KRT34: variants seen among roughly 807,000 people sequenced by gnomAD.
KRT34 encodes the protein keratin 34.
Under a neutral mutation model 41.7 loss-of-function variants are expected in KRT34, and 31 were observed. The ratio of observed to expected loss-of-function variants is 0.74; its 90% confidence interval spans 0.56 to 1.00. The LOEUF (loss-of-function observed/expected upper bound fraction) is 1.00. KRT34 is among the 50% of genes least tolerant of loss of function. The pLI is 0.00. For missense variants in KRT34, 523 were observed against 500.3 expected (o/e 1.05, Z -0.43); for synonymous variants, 224 against 212.9 (o/e 1.05, Z -0.45).
In KRT34 at chr17:41,378,050, A is replaced by T. The variant is rs1355931455; in HGVS notation, c.*9T>A. 1 of 1,604,708 alleles carries T rather than the reference A, an allele frequency of 6.2e-7. No individual in the cohort carries two copies. The highest frequency in any genetic ancestry group is 2.2e-5 in the East Asian group (1 of 44,846). ...CTTTGTAGATGTCTTCAAAGAGGAT[A>T]CAAGCTTTTCAATTACAGCAACCCT... On this transcript the variant is annotated 3_prime_UTR_variant, in exon 7 of 7. Transcript: ENST00000394001.
chr17:41,380,172 T>A (rs1476704937), intron 3 of KRT34, among the ~76,000 whole-genome samples: 1 of 151,826 alleles, frequency 6.6e-6, no homozygotes, highest in Non-Finnish European at 1.5e-5. Context: ...GGCAAGTGAA[T>A]CACTTGAACC....
chr17:41,379,868 T>G, intron 3 of KRT34, 137 bp from the exon 4 acceptor site: 1 of 932,694 alleles, frequency 1.1e-6, no homozygotes, highest in Non-Finnish European at 1.6e-6. Context: ...CACACACATT[T>G]TATAGCAATA....
intron 3 of KRT34, 127 bp from the exon 4 acceptor site, chr17:41,379,858 C>A (rs1311434962): frequency 1.6e-5 from 16 of 1,014,686 alleles, no homozygotes; most frequent in Non-Finnish European, 2.0e-5. Context: ...CAAAGAGTGA[C>A]ACACACATTT....
At chr17:41,383,253 G>A (rs1286628866), upstream of KRT34, among the ~76,000 whole-genome samples, 1 of 152,070 alleles carries the variant, frequency 6.6e-6, no homozygotes, top group South Asian at 2.1e-4. Context: ...TCCTGAACTC[G>A]TGATCCGCCC....
At chr17:41,380,537 C>T (rs1047251313) in intron 3 of KRT34, among the ~76,000 whole-genome samples, 2 of 152,160 alleles carry the variant, frequency 1.3e-5, no homozygotes, top group African/African-American at 4.8e-5. Flanking sequence ...CAACCTCTTC[C>T]CTCAGACTGA....
At chr17:41,381,443 C>T (rs186006069) in intron 2 of KRT34, among the ~76,000 whole-genome samples, 53 of 152,300 alleles carry the variant, frequency 3.5e-4, no homozygotes, top group Non-Finnish European at 5.7e-4. Context: ...ACTGTGTTCT[C>T]GGTTTTGTTA....
In KRT34 at chr17:41,378,037, C is replaced by A; in HGVS notation, c.*22G>T. On this transcript the variant is annotated 3_prime_UTR_variant, in exon 7 of 7. Coordinates refer to ENST00000394001, the MANE Select transcript of KRT34 (RefSeq NM_001386014.1). The stretch of plus-strand genomic sequence containing the variant: ...TTGATCTAAATGGCTTTGTAGATGT[C>A]TTCAAAGAGGATACAAGCTTTTCAA... The A allele has an allele frequency of 6.3e-7, 1 of 1,588,434 alleles. No individual in the cohort carries two copies. The highest frequency in any genetic ancestry group is 8.6e-7 in the Non-Finnish European group (1 of 1,157,196).
At chr17:41,383,154 G>T (rs1188021196), upstream of KRT34, among the ~76,000 whole-genome samples, 1 of 152,016 alleles carries the variant, frequency 6.6e-6, no homozygotes, top group African/African-American at 2.4e-5. Context: ...GAGTAGCTGG[G>T]ATTACAGGTG....
upstream of KRT34, chr17:41,382,465 C>G (rs1034744942): frequency 2.8e-6 from 3 of 1,076,988 alleles, no homozygotes; most frequent in African/African-American, 4.7e-5. Flanking sequence ...AAAATTATTC[C>G]ATTCAGCTTA....
Position 41,382,194 on chromosome 17 carries a change from G to C in KRT34, c.53C>G (p.Ser18Cys), listed in dbSNP as rs750849876. Residue 18 changes from serine (S) to cysteine (C), a missense_variant, in exon 1 of 7, where the codon TCC becomes TGC. By Grantham distance (112) the Ser-to-Cys change is moderately radical. Transcript: ENST00000394001. The stretch of plus-strand genomic sequence containing the variant: ...GCAGCTGGGGGGCACGCAGGGCCGG[G>C]AGGAGCAGCTGGTGCGGCAGCCCAG... Reference protein sequence around the residue: ...PSLGCRTSCSSRPCVPPSCHG... With the variant: ...PSLGCRTSCSCRPCVPPSCHG... 1 of 1,612,468 alleles carries C rather than the reference G, an allele frequency of 6.2e-7. No individual in the cohort carries two copies. Among genetic ancestry groups the C allele is most frequent in the South Asian group, 1.1e-5 (1 of 91,008 alleles).
Position 41,382,140 on chromosome 17 carries a change from T to C in KRT34, c.107A>G (p.Asn36Ser). 6 of 1,612,426 alleles carry C rather than the reference T, an allele frequency of 3.7e-6. No individual in the cohort carries two copies. Among genetic ancestry groups the C allele is most frequent in the Non-Finnish European group, 5.1e-6 (6 of 1,180,036 alleles). ...GCAGTTGCTCACATTGGCGGGGATG[T>C]TGCAGGCCCCAGGCAGGGTGTAGCC... Reference protein sequence around the residue: ...CHGYTLPGACNIPANVSNCNW... With the variant: ...CHGYTLPGACSIPANVSNCNW... Residue 36 changes from asparagine to serine, a missense_variant, in exon 1 of 7, where the codon AAC (asparagine) becomes AGC (serine). Transcript: ENST00000394001.
At chr17:41,378,337 G>A (rs545382001) in intron 6 of KRT34, among the ~76,000 whole-genome samples, 191 bp from the exon 7 acceptor site, 13 of 152,246 alleles carry the variant, frequency 8.5e-5, no homozygotes, top group East Asian at 1.9e-4. Flanking sequence ...GCAGTGGTGC[G>A]ATCTTGGCTC....
At position 41,381,971 on chromosome 17, in the gene KRT34, G is replaced by A. The variant is rs150445234; in HGVS notation, c.276C>T (p.Ser92=). The A allele has an allele frequency of 1.7e-5, 28 of 1,614,186 alleles. No individual in the cohort carries two copies. Among genetic ancestry groups the A allele is most frequent in the African/African-American group, 1.7e-4 (13 of 75,066 alleles). Residue 92 remains serine (S), a synonymous_variant, in exon 1 of 7, where the codon TCC becomes TCT. Coordinates refer to ENST00000394001, the MANE Select transcript of KRT34 (RefSeq NM_001386014.1). ...AELEKLIQER[S]QQQEPLLCPS... ...GGCACAGCAAGGGCTCCTGCTGCTGGGACCGCTCCTGGATGAGTTTCTCCA... is the reference window on the plus strand; with the variant it reads ...GGCACAGCAAGGGCTCCTGCTGCTGAGACCGCTCCTGGATGAGTTTCTCCA...
At chr17:41,380,940 C>T (rs578145843) in intron 3 of KRT34, 116 bp downstream of exon 3, 2 of 983,832 alleles carry the variant, frequency 2.0e-6, no homozygotes, top group Non-Finnish European at 3.2e-6. Context: ...TCTCTGAGAA[C>T]ATCTTGAGTT....
chr17:41,382,920 T>C (rs1375355508), upstream of KRT34, among the ~76,000 whole-genome samples: 1 of 152,176 alleles, frequency 6.6e-6, no homozygotes, highest in Non-Finnish European at 1.5e-5. Context: ...ACCAATGGAA[T>C]GGATGGGAGT....
Position 41,382,149 on chromosome 17 carries a change from C to T in KRT34, c.98G>A (p.Gly33Glu), listed in dbSNP as rs767806496. The T allele has an allele frequency of 6.2e-7, 1 of 1,612,388 alleles. No individual in the cohort carries two copies. The highest frequency in any genetic ancestry group is 1.1e-5 in the South Asian group (1 of 91,006). The change falls in exon 1 of 7, where the codon GGG (glycine) becomes GAG (glutamate). Residue 33 changes from glycine to glutamate, a missense_variant. Coordinates refer to ENST00000394001, the MANE Select transcript of KRT34 (RefSeq NM_001386014.1). ...PPSCHGYTLP[G>E]ACNIPANVSN... ...CACATTGGCGGGGATGTTGCAGGCCCCAGGCAGGGTGTAGCCGTGGCAGCT... is the reference window on the plus strand; with the variant it reads ...CACATTGGCGGGGATGTTGCAGGCCTCAGGCAGGGTGTAGCCGTGGCAGCT...
chr17:41,378,812 T>TTTGCTTAGCTATCACAGATCACTGGACAC (rs2144321693), intron 6 of KRT34, 144 bp downstream of exon 6: 2 of 1,219,774 alleles, frequency 1.6e-6, no homozygotes, highest in Admixed American at 4.3e-5. Context: ...TTGGCCTCCC[T>TTTGCTTAGCTATCACAGATCACTGGACAC]TTGCTTAGCT....
upstream of KRT34, chr17:41,382,431 C>G: frequency 7.3e-7 from 1 of 1,370,316 alleles, no homozygotes; most frequent in Non-Finnish European, 1.0e-6. Flanking sequence ...TTAGATGCTT[C>G]TAAAGAGTCC....
At position 41,378,988 on chromosome 17, in the gene KRT34, C is replaced by A. The variant is rs779046810; in HGVS notation, c.1065G>T (p.Thr355=). The A allele has an allele frequency of 6.2e-7, 1 of 1,614,216 alleles. No homozygotes were observed. The highest frequency in any genetic ancestry group is 1.1e-5 in the South Asian group (1 of 91,082). ...VRARLECEIN[T]YRSLLESEDC... The stretch of plus-strand genomic sequence containing the variant: ...CCTCACTCTCCAGGAGGCTCCGGTA[C>A]GTGTTGATCTCACACTCCAGCCGGG... Residue 355 remains threonine, a synonymous_variant, in exon 6 of 7, where the codon ACG becomes ACT. Transcript: ENST00000394001.
Sources: gnomAD v4.1 joint callset for allele counts (sites outside exome capture counted in the v4.1 genomes callset) on GRCh38, gnomAD v4.1.1 for gene constraint, MANE v1.5 for transcripts, NCBI Gene and HGNC (gene_info 2026-07-23, HGNC 2026-07-21) for gene names.